Variants in TNFSF4 observed in about 807,000 individuals in gnomAD.
The protein encoded by TNFSF4 is tumor necrosis factor ligand superfamily member 4.
TNFSF4 carries 4 observed loss-of-function variants against 7.3 expected under a neutral mutation model. The observed-to-expected ratio is 0.55, with a 90% confidence interval of 0.27 to 1.25. TNFSF4 has a LOEUF of 1.25. Among genes scored for constraint, TNFSF4 ranks in the 50% most tolerant of loss-of-function variants. TNFSF4 has a pLI of 0.12. For missense variants in TNFSF4, 181 were observed against 208.8 expected (o/e 0.87, Z 0.82); for synonymous variants, 76 against 83.7 (o/e 0.91, Z 0.50).
At chr1:173,427,953 C>CTT in the TNFSF4 span, among the ~76,000 whole-genome samples, 3 of 133,590 alleles carry the variant, frequency 2.2e-5, no homozygotes, top group African/African-American at 8.2e-5. Flanking sequence ...CCATTATAAT[C>CTT]TTTTTTTTTT....
intron 1 of TNFSF4, among the ~76,000 whole-genome samples, chr1:173,198,191 G>A (rs1411322615): frequency 6.6e-6 from 1 of 152,238 alleles, no homozygotes; most frequent in African/African-American, 2.4e-5. Flanking sequence ...GACTGAACAA[G>A]ACATTGCACT....
chr1:173,338,106 G>T, the TNFSF4 span, among the ~76,000 whole-genome samples: 1 of 152,110 alleles, frequency 6.6e-6, no homozygotes, highest in Admixed American at 6.5e-5. Context: ...AACCACTGCC[G>T]ACTTCACAAT....
At chr1:173,404,906 A>G in the TNFSF4 span, among the ~76,000 whole-genome samples, 3 of 152,172 alleles carry the variant, frequency 2.0e-5, no homozygotes, top group Non-Finnish European at 4.4e-5. Flanking sequence ...TGCTGGGATT[A>G]CAAGTGTGAG....
the TNFSF4 span, among the ~76,000 whole-genome samples, chr1:173,314,960 C>T: frequency 6.6e-6 from 1 of 151,982 alleles, no homozygotes; most frequent in African/African-American, 2.4e-5. Flanking sequence ...GGGGCAAGGG[C>T]AGCAGGGTGA....
At chr1:173,334,849 G>A in the TNFSF4 span, among the ~76,000 whole-genome samples, 9 of 152,056 alleles carry the variant, frequency 5.9e-5, no homozygotes, top group Non-Finnish European at 1.2e-4. Flanking sequence ...CCACCTCTTC[G>A]CTTCTAGACT....
intron 1 of TNFSF4, 41 bp from the exon 2 acceptor site, chr1:173,188,610 G>T (rs954445474): frequency 3.9e-6 from 6 of 1,544,838 alleles, no homozygotes; most frequent in South Asian, 1.1e-5. Flanking sequence ...AAAAAAACAT[G>T]AACAAATGAA....
chr1:173,353,246 G>GA, the TNFSF4 span, among the ~76,000 whole-genome samples: 1 of 152,186 alleles, frequency 6.6e-6, no homozygotes, highest in East Asian at 1.9e-4. Context: ...ATTGATTGGG[G>GA]AAGTGATAAA....
the TNFSF4 span, among the ~76,000 whole-genome samples, chr1:173,385,538 G>A: frequency 6.6e-6 from 1 of 152,210 alleles, no homozygotes; most frequent in Non-Finnish European, 1.5e-5. Context: ...AGCAGCAATT[G>A]TTATTACATG....
the TNFSF4 span, among the ~76,000 whole-genome samples, chr1:173,294,808 C>T: frequency 6.6e-6 from 1 of 151,952 alleles, no homozygotes; most frequent in East Asian, 1.9e-4. Flanking sequence ...AGAGGGCAGA[C>T]TAGGAGAAAA....
At chr1:173,284,856 C>T in the TNFSF4 span, among the ~76,000 whole-genome samples, 1 of 152,130 alleles carries the variant, frequency 6.6e-6, no homozygotes, top group African/African-American at 2.4e-5. Flanking sequence ...CCTGATCACC[C>T]AAGATACCTG....
the TNFSF4 span, among the ~76,000 whole-genome samples, chr1:173,235,190 A>G: frequency 6.6e-6 from 1 of 152,178 alleles, no homozygotes; most frequent in Non-Finnish European, 1.5e-5. Flanking sequence ...TCTCCTTTTG[A>G]TGCAGGATTT....
the TNFSF4 span, among the ~76,000 whole-genome samples, chr1:173,223,742 A>G: frequency 5.8e-4 from 89 of 152,318 alleles, no homozygotes; most frequent in African/African-American, 2.0e-3. Flanking sequence ...AACCAGAAAA[A>G]GAGTGTATTG....
the TNFSF4 span, among the ~76,000 whole-genome samples, chr1:173,368,502 G>T: frequency 1.3e-5 from 2 of 152,112 alleles, no homozygotes; most frequent in Non-Finnish European, 2.9e-5. Flanking sequence ...CCAGGCACCT[G>T]TTGGCCAGTT....
At chr1:173,391,460 AAAAAAAG>A in the TNFSF4 span, among the ~76,000 whole-genome samples, 5 of 150,630 alleles carry the variant, frequency 3.3e-5, no homozygotes, top group Non-Finnish European at 7.4e-5. Flanking sequence ...AAAAAAAAAA[AAAAAAAG>A]TTTTTCCAAT....
the TNFSF4 span, among the ~76,000 whole-genome samples, chr1:173,356,040 A>C: frequency 8.1e-4 from 124 of 152,348 alleles, 1 homozygote; most frequent in South Asian, 0.025. Context: ...CCCCCAACTC[A>C]TCATCTACAG....
the TNFSF4 span, among the ~76,000 whole-genome samples, chr1:173,372,496 G>A: frequency 4.4e-4 from 67 of 152,266 alleles, no homozygotes; most frequent in African/African-American, 1.4e-3. Flanking sequence ...ACTCAGACTC[G>A]TGGGACAACC....
chr1:173,218,361 G>A, the TNFSF4 span, among the ~76,000 whole-genome samples: 103 of 152,158 alleles, frequency 6.8e-4, 3 homozygotes, highest in East Asian at 0.014. Flanking sequence ...TCCCCTCCAC[G>A]GGTACTAGAA....
chr1:173,208,506 TAATC>T (rs1419952481), upstream of TNFSF4, among the ~76,000 whole-genome samples: 3 of 152,216 alleles, frequency 2.0e-5, no homozygotes, highest in Non-Finnish European at 4.4e-5. Context: ...ACTACAGTAT[TAATC>T]AATTAAAATA....
At chr1:173,423,742 C>T in the TNFSF4 span, among the ~76,000 whole-genome samples, 2 of 152,238 alleles carry the variant, frequency 1.3e-5, no homozygotes, top group African/African-American at 4.8e-5. Context: ...CTATGCCTAT[C>T]TTCTATGTCT....
Sources: gnomAD v4.1 joint callset for allele counts (sites outside exome capture counted in the v4.1 genomes callset) on GRCh38, gnomAD v4.1.1 for gene constraint, MANE v1.5 for transcripts, NCBI Gene and HGNC (gene_info 2026-07-23, HGNC 2026-07-21) for gene names.